Variants in DNAJC6 observed in about 807,000 individuals in gnomAD.
DNAJC6 encodes auxilin.
In DNAJC6, 34 loss-of-function variants were observed where a neutral mutation model predicts 110.0. The observed-to-expected ratio is 0.31, with a 90% confidence interval of 0.24 to 0.41. DNAJC6 has a LOEUF of 0.41. DNAJC6 is among the 10% of genes least tolerant of loss of function. The pLI is 1.00. For missense variants in DNAJC6, 1,031 were observed against 1,207.8 expected (o/e 0.85, Z 2.17); for synonymous variants, 406 against 437.2 (o/e 0.93, Z 0.89).
At chr1:65,276,161 C>T (rs1190226649) in intron 1 of DNAJC6, among the ~76,000 whole-genome samples, 2 of 152,166 alleles carry the variant, frequency 1.3e-5, no homozygotes, top group South Asian at 2.1e-4. Context: ...GGATTATAGG[C>T]GTGGGCCACC....
chr1:65,407,887 G>A (rs1487307051), intron 16 of DNAJC6, among the ~76,000 whole-genome samples: 1 of 152,244 alleles, frequency 6.6e-6, no homozygotes, highest in Non-Finnish European at 1.5e-5. Context: ...TGAATCGACT[G>A]TATGGACTGT....
intron 1 of DNAJC6, among the ~76,000 whole-genome samples, chr1:65,291,243 G>C (rs980274329): frequency 1.3e-5 from 2 of 152,158 alleles, no homozygotes; most frequent in African/African-American, 2.4e-5. Flanking sequence ...ATGTTGACCA[G>C]GCTGGTCTCG....
rs137976121 is a variant in DNAJC6, at chr1:65,415,859, T to G, written c.*2834T>G. On this transcript the variant is annotated 3_prime_UTR_variant, in exon 19 of 19. Coordinates refer to ENST00000371069, the MANE Select transcript of DNAJC6 (RefSeq NM_001256864.2). ...GGCTAAAATAAATGTAGCATCTAAT[T>G]TTATCAGTTTAACATCTGATATGTC... is the stretch of plus-strand genomic sequence containing the variant. 3.3e-5 allele frequency: 5 copies of G among 152,208 alleles called. No individual in the cohort carries two copies. Among genetic ancestry groups the G allele is most frequent in the Non-Finnish European group, 7.3e-5 (5 of 68,046 alleles). The allele number at this position is 152,208 out of a possible 1,614,324, so 9.4% of individuals were successfully genotyped here. A position where few individuals can be genotyped will look rare whatever the true frequency, so the allele number is the denominator to read the frequency against.
chr1:65,283,322 C>A (rs1446002274), intron 1 of DNAJC6, among the ~76,000 whole-genome samples: 1 of 152,152 alleles, frequency 6.6e-6, no homozygotes, highest in South Asian at 2.1e-4. Flanking sequence ...CGGTCCTTAA[C>A]CCTTGGAAAT....
At position 65,408,790 on chromosome 1, in the gene DNAJC6, G is replaced by A; in HGVS notation, c.2634+7G>A. On this transcript the variant is annotated splice_region_variant and intron_variant, in intron 17 of 18. Transcript: ENST00000371069. ...GGATCCTGAGAAATTAAAGGTGAGTGAGGCCCCTGACGCAGCTTGATTATC... is the reference window on the plus strand; with the variant it reads ...GGATCCTGAGAAATTAAAGGTGAGTAAGGCCCCTGACGCAGCTTGATTATC... The A allele has an allele frequency of 6.2e-7, 1 of 1,612,070 alleles. No individual in the cohort carries two copies. The highest frequency in any genetic ancestry group is 2.2e-5 in the East Asian group (1 of 44,868).
intron 6 of DNAJC6, 95 bp from the exon 7 acceptor site, chr1:65,385,617 A>G: frequency 3.7e-6 from 4 of 1,092,844 alleles, no homozygotes; most frequent in Non-Finnish European, 5.0e-6. Context: ...TTTTATTATA[A>G]CAGTAATTTG....
At chr1:65,379,587 C>T in intron 5 of DNAJC6, 63 bp downstream of exon 5, 1 of 1,588,318 alleles carries the variant, frequency 6.3e-7, no homozygotes, top group South Asian at 1.2e-5. Flanking sequence ...TGAGCCTGTA[C>T]ACAATGGTAG....
At chr1:65,389,115 C>A in intron 9 of DNAJC6, 141 bp from the exon 10 acceptor site, 1 of 741,476 alleles carries the variant, frequency 1.3e-6, no homozygotes, top group South Asian at 2.2e-5. Flanking sequence ...AGTAAAGTAA[C>A]TTATCTGGTT....
intron 1 of DNAJC6, among the ~76,000 whole-genome samples, chr1:65,335,406 G>T (rs759201774): frequency 5.3e-5 from 8 of 151,918 alleles, no homozygotes; most frequent in Non-Finnish European, 1.0e-4. Context: ...GAGCCACCAG[G>T]CCCAGCCTAT....
intron 1 of DNAJC6, among the ~76,000 whole-genome samples, chr1:65,320,029 T>C (rs1487700139): frequency 6.6e-6 from 1 of 152,214 alleles, no homozygotes; most frequent in African/African-American, 2.4e-5. Flanking sequence ...CGCATGTGAC[T>C]TAGTTCTCAG....
chr1:65,395,114 T>A (rs930310242), intron 13 of DNAJC6, 82 bp downstream of exon 13: 7 of 1,362,832 alleles, frequency 5.1e-6, no homozygotes, highest in Admixed American at 5.7e-5. Context: ...AAAAGCACCC[T>A]GTGGGTGCTT....
intron 1 of DNAJC6, among the ~76,000 whole-genome samples, chr1:65,317,464 AAT>A (rs1372127408): frequency 1.3e-5 from 2 of 152,228 alleles, no homozygotes; most frequent in Admixed American, 1.3e-4. Context: ...AGATGCAAAA[AAT>A]ATCTTTTTAT....
At chr1:65,287,860 T>C (rs1399514025) in intron 1 of DNAJC6, among the ~76,000 whole-genome samples, 1 of 152,164 alleles carries the variant, frequency 6.6e-6, no homozygotes, top group Non-Finnish European at 1.5e-5. Flanking sequence ...TGCCTTGGCC[T>C]CCTAAAGTGT....
intron 1 of DNAJC6, among the ~76,000 whole-genome samples, chr1:65,317,648 T>C (rs1233039590): frequency 6.6e-6 from 1 of 152,180 alleles, no homozygotes; most frequent in Non-Finnish European, 1.5e-5. Context: ...TTACTGTTGT[T>C]GTATTGTGGT....
At chr1:65,398,004 C>T (rs1645995611) in intron 13 of DNAJC6, among the ~76,000 whole-genome samples, 1 of 152,024 alleles carries the variant, frequency 6.6e-6, no homozygotes, top group Admixed American at 6.6e-5. Context: ...TTTGTGTGGG[C>T]AAAACCTAGA....
At chr1:65,386,496 A>C (rs1645873539) in intron 7 of DNAJC6, among the ~76,000 whole-genome samples, 1 of 152,190 alleles carries the variant, frequency 6.6e-6, no homozygotes, top group Non-Finnish European at 1.5e-5. Flanking sequence ...TTTTAGTATT[A>C]ATTTAAAGTT....
chr1:65,311,482 C>T (rs1645101567), intron 1 of DNAJC6, among the ~76,000 whole-genome samples: 1 of 152,134 alleles, frequency 6.6e-6, no homozygotes. Context: ...GCCTCGGCCT[C>T]CCAAAGTGCT....
intron 1 of DNAJC6, chr1:65,264,939 G>A (rs1653266025): frequency 6.2e-7 from 1 of 1,612,968 alleles, no homozygotes; most frequent in Non-Finnish European, 8.5e-7. Flanking sequence ...AAAGGTAAGG[G>A]GCGGACTGCA....
intron 1 of DNAJC6, among the ~76,000 whole-genome samples, chr1:65,350,508 C>T (rs1415222734): frequency 6.6e-6 from 1 of 152,042 alleles, no homozygotes; most frequent in Non-Finnish European, 1.5e-5. Flanking sequence ...TTTACTGCTC[C>T]TTTATATCTG....
Sources: allele counts gnomAD v4.1 joint callset (sites outside exome capture counted in the v4.1 genomes callset), GRCh38; gene constraint gnomAD v4.1.1; transcripts MANE v1.5; gene names NCBI Gene and HGNC (gene_info 2026-07-23, HGNC 2026-07-21).